The following SUPT20H variants were observed in gnomAD, a reference collection of about 807,000 sequenced individuals.
The protein encoded by SUPT20H is SPT20 homolog, SAGA complex component.
Under a neutral mutation model 122.8 loss-of-function variants are expected in SUPT20H, and 82 were observed. The ratio of observed to expected loss-of-function variants is 0.67; its 90% CI spans 0.56 to 0.80. The LOEUF is 0.80. Among genes scored for constraint, SUPT20H ranks in the 30% least tolerant of loss-of-function variants. The pLI, the probability that SUPT20H is intolerant of heterozygous loss-of-function variation, is 0.00. For missense variants in SUPT20H, 831 were observed against 921.6 expected, an observed-to-expected ratio of 0.90 and a Z score of 1.27; for synonymous variants, 291 against 313.0, an observed-to-expected ratio of 0.93 and a Z score of 0.74.
intron 24 of SUPT20H, among the ~76,000 whole-genome samples, chr13:37,011,033 G>C (rs969468798): frequency 6.6e-6 from 1 of 152,216 alleles, no homozygotes; most frequent in Non-Finnish European, 1.5e-5. Flanking sequence ...TAACAACAAA[G>C]CTGGTAGACA....
rs1380415519 is a variant in SUPT20H, at chr13:37,047,611, TTTA to T, written c.99-13_99-11del. On this transcript the variant is annotated splice_polypyrimidine_tract_variant and intron_variant, in intron 4 of 25. Coordinates refer to ENST00000350612, the MANE Select transcript of SUPT20H (RefSeq NM_001014286.3). Reference sequence around the variant, plus strand: ...TTGAAATACAGATTTTCTAAAAAAATTTAATGAAACAAATATATAAAATGTTAA... The same window carrying T: ...TTGAAATACAGATTTTCTAAAAAAATATGAAACAAATATATAAAATGTTAA... The T allele has an allele frequency of 1.5e-6, 2 of 1,374,694 alleles. No individual in the cohort carries two copies. Among genetic ancestry groups the T allele is most frequent in the Non-Finnish European group, 1.9e-6 (2 of 1,026,346 alleles). 85.2% of individuals were successfully genotyped at this position (1,374,694 alleles called of 1,614,324 possible). A position where few individuals can be genotyped will look rare whatever the true frequency, so the allele number is the denominator to read the frequency against.
Position 37,029,769 on chromosome 13 carries a change from G to T in SUPT20H, c.989C>A (p.Ala330Asp). Reference protein sequence around the residue: ...SDDSQPTVWPAHDVKDDYVFE... With the variant: ...SDDSQPTVWPDHDVKDDYVFE... ...AGACAGGCAATGATTTCTTACATGG[G>T]CTGGCCAGACTGTTGGCTGTGAGTC... is the stretch of plus-strand genomic sequence containing the variant. The change falls in exon 13 of 26, where the codon GCC becomes GAC. Residue 330 changes from alanine (A) to aspartate (D), a missense_variant. Physicochemically the swap from Ala to Asp is moderately radical, Grantham distance 126 (BLOSUM62 -2). Transcript: ENST00000350612. 1 of 1,597,740 alleles carries T rather than the reference G, an allele frequency of 6.3e-7. No individual in the cohort carries two copies. Among genetic ancestry groups the T allele is most frequent in the Non-Finnish European group, 8.5e-7 (1 of 1,173,334 alleles).
intron 1 of SUPT20H, among the ~76,000 whole-genome samples, chr13:37,056,249 G>A (rs1167577677): frequency 6.6e-6 from 1 of 152,172 alleles, no homozygotes; most frequent in Non-Finnish European, 1.5e-5. Context: ...ATTTGACCCA[G>A]CCATCCCATT....
intron 24 of SUPT20H, chr13:37,010,877 G>A (rs1333852898): frequency 1.4e-5 from 6 of 421,926 alleles, no homozygotes; most frequent in Non-Finnish European, 2.6e-5. Flanking sequence ...AGAAGGGAGT[G>A]CATTATGTAT....
chr13:37,028,410 A>G, intron 13 of SUPT20H, 105 bp from the exon 14 acceptor site: 1 of 1,025,896 alleles, frequency 9.7e-7, no homozygotes, highest in Non-Finnish European at 1.4e-6. Flanking sequence ...ATCTGACGAT[A>G]GGAAGACACA....
At position 37,042,172 on chromosome 13, in the gene SUPT20H, C is replaced by T. The variant is rs141254203; in HGVS notation, c.397-1480G>A. Among the ~76,000 whole-genome samples, 626 of 152,238 alleles carry T rather than the reference C, an allele frequency of 4.1e-3. 5 individuals carry two copies. The highest frequency in any genetic ancestry group is 0.015 in the African/African-American group (610 of 41,538). On this transcript the variant is annotated intron_variant, in intron 7 of 25. Transcript: ENST00000350612. ...ATCATGTATCTTAAAGAGAGACTGG[C>T]ATTTGCTGATGGACTGAATGTGGAA...
chr13:37,031,955 G>C (rs891399049), intron 10 of SUPT20H, 60 bp from the exon 11 acceptor site: 1 of 1,448,632 alleles, frequency 6.9e-7, no homozygotes, highest in South Asian at 1.4e-5. Context: ...TAATATATGT[G>C]AGTTGAAACT....
At chr13:37,050,780 T>C (rs2067513066) in intron 2 of SUPT20H, among the ~76,000 whole-genome samples, 1 of 152,154 alleles carries the variant, frequency 6.6e-6, no homozygotes, top group African/African-American at 2.4e-5. Flanking sequence ...CTGTGATACT[T>C]CTACTTTTCT....
At chr13:37,038,973 G>A (rs972765067) in intron 9 of SUPT20H, 1 of 152,196 alleles carries the variant, frequency 6.6e-6, no homozygotes, top group Non-Finnish European at 1.5e-5. Context: ...TTTATGAGAA[G>A]AATGCCTCAA....
At chr13:37,054,736 T>G (rs565335567) in intron 1 of SUPT20H, among the ~76,000 whole-genome samples, 4 of 152,324 alleles carry the variant, frequency 2.6e-5, no homozygotes, top group East Asian at 3.9e-4. Context: ...TCACTACTCC[T>G]ATTCAACATA....
chr13:37,025,121 T>C, intron 17 of SUPT20H, 199 bp downstream of exon 17: 1 of 458,024 alleles, frequency 2.2e-6, no homozygotes, highest in Non-Finnish European at 4.1e-6. Context: ...TTTGTGTTTT[T>C]AGTAGAGATG....
chr13:37,052,849 T>A (rs1320724171), intron 1 of SUPT20H, among the ~76,000 whole-genome samples: 2 of 151,904 alleles, frequency 1.3e-5, no homozygotes, highest in Admixed American at 1.3e-4. Flanking sequence ...AACAACCCCA[T>A]CAAAAAGTGG....
At position 37,022,765 on chromosome 13, in the gene SUPT20H, C is replaced by G; in HGVS notation, c.1592-685G>C. 2.0e-6 allele frequency: 2 copies of G among 1,006,642 alleles called. No individual in the cohort carries two copies. Among genetic ancestry groups the G allele is most frequent in the Non-Finnish European group, 2.4e-6 (2 of 840,166 alleles). 62.4% of individuals were successfully genotyped at this position (1,006,642 alleles called of 1,614,324 possible). ...TAATAAGTTACATATGGTTAACAAT[C>G]ATATTTGGCACCTAAATATACATGT... is the stretch of plus-strand genomic sequence containing the variant. On this transcript the variant is annotated intron_variant, in intron 19 of 25. Coordinates refer to ENST00000350612, the MANE Select transcript of SUPT20H (RefSeq NM_001014286.3). The surrounding 1 kb of genome is among the most constrained non-coding windows in gnomAD (Gnocchi z 4.5).
Position 37,022,260 on chromosome 13 carries a change from G to C in SUPT20H, c.1592-180C>G, listed in dbSNP as rs762946241. 4 of 1,523,794 alleles carry C rather than the reference G, an allele frequency of 2.6e-6. No homozygotes were observed. The highest frequency in any genetic ancestry group is 3.5e-6 in the Non-Finnish European group (4 of 1,132,126). 94.4% of individuals were successfully genotyped at this position (1,523,794 alleles called of 1,614,324 possible). Reference sequence around the variant, plus strand: ...AGGAGTTGAGCTCTGAGCATCAGGAGGGTGTGGGGTCGATGAAGGGGTTGG... The same window carrying C: ...AGGAGTTGAGCTCTGAGCATCAGGACGGTGTGGGGTCGATGAAGGGGTTGG... On this transcript the variant is annotated intron_variant, in intron 19 of 25. Coordinates refer to ENST00000350612, the MANE Select transcript of SUPT20H (RefSeq NM_001014286.3). This position sits in a 1 kb window ranked among gnomAD's most constrained non-coding sequence, Gnocchi z 4.5.
chr13:37,016,708 A>G (rs887836108), intron 23 of SUPT20H, among the ~76,000 whole-genome samples: 2 of 152,154 alleles, frequency 1.3e-5, no homozygotes, highest in Non-Finnish European at 1.5e-5. Context: ...TCAGGAATCA[A>G]TATTTTTTTA....
intron 5 of SUPT20H, chr13:37,047,082 C>T (rs920456275): frequency 2.0e-5 from 3 of 152,342 alleles, no homozygotes; most frequent in Admixed American, 6.6e-5. Flanking sequence ...GCCATGAACT[C>T]GGTTTATGAC....
intron 2 of SUPT20H, among the ~76,000 whole-genome samples, chr13:37,049,963 A>C (rs1284856108): frequency 6.6e-6 from 1 of 152,132 alleles, no homozygotes; most frequent in Admixed American, 6.6e-5. Context: ...ATGTGGGTAA[A>C]AACTCCTACC....
chr13:37,025,195 GCCT>G, intron 17 of SUPT20H, 122 bp downstream of exon 17: 1 of 808,280 alleles, frequency 1.2e-6, no homozygotes, highest in Non-Finnish European at 2.1e-6. Flanking sequence ...ACCCACCTTG[GCCT>G]CCCAAAGTGT....
At chr13:37,055,636 A>C (rs899042926) in intron 1 of SUPT20H, among the ~76,000 whole-genome samples, 1 of 152,262 alleles carries the variant, frequency 6.6e-6, no homozygotes, top group African/African-American at 2.4e-5. Context: ...TTAAAGACTT[A>C]AATGTTAGAC....
Sources: gnomAD v4.1 joint callset for allele counts (sites outside exome capture counted in the v4.1 genomes callset) on GRCh38, gnomAD v4.1.1 for gene constraint, Gnocchi (gnomAD v3.1) non-coding constraint, MANE v1.5 for transcripts, NCBI Gene and HGNC (gene_info 2026-07-23, HGNC 2026-07-21) for gene names.